The following FAM13B variants were observed in gnomAD, a reference collection of about 807,000 sequenced individuals.
FAM13B encodes the protein protein FAM13B.
In FAM13B, 60 loss-of-function variants were observed where a neutral mutation model predicts 117.3. That is an observed-to-expected ratio of 0.51 (90% CI 0.42 to 0.63). FAM13B has a LOEUF of 0.63. FAM13B is among the 30% of genes least tolerant of loss of function. The pLI, the probability that FAM13B is intolerant of heterozygous loss-of-function variation, is 0.00. For missense variants in FAM13B, 972 were observed against 1,091.9 expected, an observed-to-expected ratio of 0.89 and a Z score of 1.55; for synonymous variants, 332 against 356.1, an observed-to-expected ratio of 0.93 and a Z score of 0.76.
At chr5:137,952,531 G>A in intron 17 of FAM13B, 97 bp downstream of exon 17, 1 of 825,660 alleles carries the variant, frequency 1.2e-6, no homozygotes, top group African/African-American at 1.7e-5. Flanking sequence ...CAGTGCCCAA[G>A]ATTTAAAATT....
chr5:137,986,913 T>C (rs1380376475), intron 9 of FAM13B, among the ~76,000 whole-genome samples: 1 of 152,172 alleles, frequency 6.6e-6, no homozygotes, highest in Non-Finnish European at 1.5e-5. Flanking sequence ...CTCAAAGTTT[T>C]GGATTTGGGA....
chr5:138,031,322 C>A (rs1462569), intron 1 of FAM13B, among the ~76,000 whole-genome samples: 1 of 152,196 alleles, frequency 6.6e-6, no homozygotes, highest in East Asian at 1.9e-4. Flanking sequence ...GTGTCACACA[C>A]GTGTCTAAAT....
intron 7 of FAM13B, among the ~76,000 whole-genome samples, chr5:138,002,623 C>CATTCTTTCTGAAAGATTTT (rs1263459537): frequency 6.6e-6 from 1 of 151,012 alleles, no homozygotes; most frequent in African/African-American, 2.4e-5. Context: ...AAACCCTAAT[C>CATTCTTTCTGAAAGATTTT]ATTCTTTCTG....
intron 1 of FAM13B, among the ~76,000 whole-genome samples, chr5:138,028,231 A>G (rs1788951321): frequency 1.3e-5 from 2 of 152,236 alleles, no homozygotes; most frequent in South Asian, 4.1e-4. Flanking sequence ...AACCAAAAAA[A>G]AGAGTAGAAG....
chr5:137,985,281 T>C lies in FAM13B; in HGVS notation c.1155A>G (p.Val385=), dbSNP rs769745202. ...LDNEAMQQDC[V]FENEENTQSV... ...CCTGGGTATTTTCTTCATTCTCAAA[T>C]ACACAATCTTGCTGCATAGCTTCAT... Residue 385 remains valine, a synonymous_variant, in exon 10 of 24, where the codon GTA becomes GTG. Transcript: ENST00000689681. 1.2e-6 allele frequency: 2 copies of C among 1,613,780 alleles called. No individual in the cohort carries two copies. The highest frequency in any genetic ancestry group is 2.2e-5 in the East Asian group (1 of 44,842).
chr5:137,966,422 G>A (rs1399867480), intron 10 of FAM13B, among the ~76,000 whole-genome samples: 1 of 140,782 alleles, frequency 7.1e-6, no homozygotes, highest in African/African-American at 2.6e-5. Context: ...GGGTGACAGA[G>A]ACTCCGTCTC....
chr5:138,014,099 G>C (rs1784702886), intron 4 of FAM13B, among the ~76,000 whole-genome samples: 1 of 152,138 alleles, frequency 6.6e-6, no homozygotes, highest in African/African-American at 2.4e-5. Flanking sequence ...ACCACAGCTG[G>C]CTATTTTTTG....
chr5:137,994,022 A>G (rs1779271172), intron 7 of FAM13B, among the ~76,000 whole-genome samples: 2 of 152,200 alleles, frequency 1.3e-5, no homozygotes. Flanking sequence ...AAGGAGACAA[A>G]AAGAGGCAAA....
In FAM13B at chr5:137,947,511, A is replaced by G. The variant is rs117836754; in HGVS notation, c.2161-1200T>C. 5.7e-4 allele frequency among the ~76,000 whole-genome samples: 87 copies of G among 152,210 alleles called. 1 individual carries two copies. The East Asian group carries it at 0.017, about 29-fold the overall frequency. ...ACCTATAATCTCAGCAATTAAGGCC[A>G]TGAGTTTGAGCCCAGCCTGGGCAAC... On this transcript the variant is annotated intron_variant, in intron 18 of 23. Coordinates refer to ENST00000689681, the MANE Select transcript of FAM13B (RefSeq NM_001385994.1).
In FAM13B at chr5:138,018,963, TC is replaced by T; in HGVS notation, c.148del (p.Glu50ArgfsTer69). On this transcript the variant is annotated frameshift_variant, in exon 3 of 24. Transcript: ENST00000689681. LOFTEE classifies it high-confidence loss of function. The stretch of plus-strand genomic sequence containing the variant: ...AGTAAGGAAATGTATACCATGTTCC[TC>T]AATATAGTCCACAACGTGGCGGACT... ...FIVRHVVDYI[E>X]EHGGLEQQGL... 1.2e-6 allele frequency: 2 copies of T among 1,613,426 alleles called. No individual in the cohort carries two copies. Among genetic ancestry groups the T allele is most frequent in the Non-Finnish European group, 1.7e-6 (2 of 1,179,440 alleles).
intron 20 of FAM13B, among the ~76,000 whole-genome samples, chr5:137,944,745 G>A (rs1292484977): frequency 4.8e-5 from 6 of 124,422 alleles, no homozygotes; most frequent in South Asian, 3.2e-4. Context: ...ATGACAGAGC[G>A]AGACTCCATC....
chr5:138,042,470 G>A (rs1239825510), intron 1 of FAM13B, among the ~76,000 whole-genome samples: 1 of 152,070 alleles, frequency 6.6e-6, no homozygotes, highest in East Asian at 1.9e-4. Flanking sequence ...CTCATGATCT[G>A]TATACTTCTC....
chr5:137,941,923 A>G, intron 23 of FAM13B, 21 bp downstream of exon 23: 1 of 1,590,326 alleles, frequency 6.3e-7, no homozygotes, highest in Non-Finnish European at 8.6e-7. Flanking sequence ...AGATGACTCA[A>G]TTTTGTGATG....
intron 10 of FAM13B, among the ~76,000 whole-genome samples, chr5:137,966,960 C>G (rs190530643): frequency 6.6e-6 from 1 of 152,164 alleles, no homozygotes; most frequent in East Asian, 1.9e-4. Flanking sequence ...CTGCTCTTCA[C>G]ATCTTACACC....
At chr5:137,992,905 A>G (rs1198063144) in intron 7 of FAM13B, among the ~76,000 whole-genome samples, 1 of 152,230 alleles carries the variant, frequency 6.6e-6, no homozygotes, top group African/African-American at 2.4e-5. Context: ...AAGAACGTAT[A>G]TAATACTACT....
At position 137,949,125 on chromosome 5, in the gene FAM13B, T is replaced by C; in HGVS notation, c.1990A>G (p.Thr664Ala). 1 of 1,614,158 alleles carries C rather than the reference T, an allele frequency of 6.2e-7. No homozygotes were observed. The highest frequency in any genetic ancestry group is 2.2e-5 in the East Asian group (1 of 44,874). ...GAAGAGCCAAAGCTTTTTGGAAGTG[T>C]GTTACTACGTGGACGTGTCTGAGGT... ...FVPQTRPRSN[T>A]LPKSFGSSLD... is the part of the protein sequence containing the mutation. Residue 664 changes from threonine to alanine, a missense_variant, in exon 18 of 24, where the codon ACA becomes GCA. Coordinates refer to ENST00000689681, the MANE Select transcript of FAM13B (RefSeq NM_001385994.1).
Position 137,962,441 on chromosome 5 carries a change from C to T in FAM13B, c.1208G>A (p.Ser403Asn), listed in dbSNP as rs1333505156. 1 of 1,613,732 alleles carries T rather than the reference C, an allele frequency of 6.2e-7. No homozygotes were observed. The highest frequency in any genetic ancestry group is 8.5e-7 in the Non-Finnish European group (1 of 1,179,842). ...QSVGILLEPC[S>N]DRGDSEDGCL... ...GCCATCTTCACTATCACCACGGTCA[C>T]TGCATGGCTCTAACAATATACCTAC... Residue 403 changes from serine to asparagine, a missense_variant, in exon 11 of 24, where the codon AGT (serine) becomes AAT (asparagine). By Grantham distance (46) the Ser-to-Asn change is conservative. Coordinates refer to ENST00000689681, the MANE Select transcript of FAM13B (RefSeq NM_001385994.1).
At chr5:137,948,494 T>G (rs1022065702) in intron 18 of FAM13B, among the ~76,000 whole-genome samples, 2 of 152,034 alleles carry the variant, frequency 1.3e-5, no homozygotes, top group Admixed American at 1.3e-4. Context: ...CCGGGCTCCA[T>G]TGATCCTCCC....
At chr5:138,001,747 A>G (rs1173256922) in intron 7 of FAM13B, among the ~76,000 whole-genome samples, 6 of 152,246 alleles carry the variant, frequency 3.9e-5, no homozygotes, top group Non-Finnish European at 7.3e-5. Flanking sequence ...GGAGGTTATC[A>G]CTGATACAGT....
Sources: allele counts gnomAD v4.1 joint callset (sites outside exome capture counted in the v4.1 genomes callset), GRCh38; gene constraint gnomAD v4.1.1; transcripts MANE v1.5; gene names NCBI Gene and HGNC (gene_info 2026-07-23, HGNC 2026-07-21).